IFT81: variants seen among roughly 807,000 people sequenced by gnomAD.
IFT81 encodes intraflagellar transport 81.
IFT81 carries 72 observed loss-of-function variants against 102.6 expected under a neutral mutation model. The ratio of observed to expected loss-of-function variants is 0.70; its 90% CI spans 0.58 to 0.85. The LOEUF is 0.85. Ranked by LOEUF, IFT81 falls within the 40% of genes least tolerant of loss-of-function variation. The probability of loss-of-function intolerance (pLI) is 0.00; values close to 1 mark genes in which losing one functional copy is unlikely to be tolerated. For missense variants in IFT81, 723 were observed against 787.3 expected, an observed-to-expected ratio of 0.92 and a Z score of 0.98; for synonymous variants, 237 against 242.7, an observed-to-expected ratio of 0.98 and a Z score of 0.22.
chr12:110,192,329 A>C (rs1897834989), intron 13 of IFT81, among the ~76,000 whole-genome samples: 1 of 152,156 alleles, frequency 6.6e-6, no homozygotes, highest in Admixed American at 6.5e-5. Flanking sequence ...TCATGATTAT[A>C]GTTGTATAGG....
chr12:110,191,575 A>G (rs951178197), intron 13 of IFT81, among the ~76,000 whole-genome samples: 12 of 152,132 alleles, frequency 7.9e-5, no homozygotes, highest in African/African-American at 2.7e-4. Flanking sequence ...CAAAAGTTAT[A>G]TAACATTAAA....
intron 4 of IFT81, 37 bp from the exon 5 acceptor site, chr12:110,132,510 A>G (rs1013911256): frequency 3.5e-6 from 3 of 863,946 alleles, no homozygotes; most frequent in Middle Eastern, 2.3e-4. Flanking sequence ...TACTGGATCT[A>G]GTTATTAGTT....
At chr12:110,187,425 G>A (rs1418628890) in intron 12 of IFT81, among the ~76,000 whole-genome samples, 1 of 151,804 alleles carries the variant, frequency 6.6e-6, no homozygotes, top group African/African-American at 2.4e-5. Flanking sequence ...CACCACACCC[G>A]GCTAATTTTT....
intron 11 of IFT81, among the ~76,000 whole-genome samples, chr12:110,179,650 G>A (rs575460418): frequency 8.3e-4 from 122 of 147,800 alleles, no homozygotes; most frequent in African/African-American, 2.9e-3. Context: ...GATCCCAGGA[G>A]GTTAAGGCTG....
At chr12:110,164,399 C>A (rs1896323621) in intron 11 of IFT81, among the ~76,000 whole-genome samples, 1 of 151,948 alleles carries the variant, frequency 6.6e-6, no homozygotes, top group Non-Finnish European at 1.5e-5. Flanking sequence ...CAAAATAAAG[C>A]AATAGGTCAT....
At chr12:110,154,641 A>G (rs533751387) in intron 10 of IFT81, among the ~76,000 whole-genome samples, 12 of 151,834 alleles carry the variant, frequency 7.9e-5, no homozygotes, top group South Asian at 2.1e-4. Context: ...AAAAAAAAAA[A>G]AAAGAAAAAG....
At chr12:110,155,641 A>G (rs577819978) in intron 10 of IFT81, among the ~76,000 whole-genome samples, 1 of 152,164 alleles carries the variant, frequency 6.6e-6, no homozygotes, top group African/African-American at 2.4e-5. Context: ...CCATTCTGCC[A>G]ATCACTGTCT....
At chr12:110,168,383 G>C (rs530617661) in intron 11 of IFT81, 1 of 240,694 alleles carries the variant, frequency 4.2e-6, no homozygotes, top group South Asian at 1.6e-4. Flanking sequence ...GTAGATAGGG[G>C]CACTGTGCTT....
At chr12:110,216,173 GTTGTT>G (rs745322792) in intron 18 of IFT81, among the ~76,000 whole-genome samples, 35 of 151,728 alleles carry the variant, frequency 2.3e-4, no homozygotes, top group East Asian at 1.2e-3. Flanking sequence ...CCTTGGTTTG[GTTGTT>G]TTGTTTTGTT....
At chr12:110,152,746 G>A (rs2137397795) in intron 10 of IFT81, among the ~76,000 whole-genome samples, 1 of 151,974 alleles carries the variant, frequency 6.6e-6, no homozygotes, top group African/African-American at 2.4e-5. Flanking sequence ...GAGACTACAG[G>A]TACCTGCCAC....
At chr12:110,148,596 T>C (rs1337315226) in intron 10 of IFT81, among the ~76,000 whole-genome samples, 1 of 152,004 alleles carries the variant, frequency 6.6e-6, no homozygotes, top group Non-Finnish European at 1.5e-5. Context: ...TGCTTCATCC[T>C]CCTGAGTAGC....
chr12:110,131,169 T>A (rs1220564311), intron 4 of IFT81, among the ~76,000 whole-genome samples: 1 of 151,806 alleles, frequency 6.6e-6, no homozygotes, highest in African/African-American at 2.4e-5. Context: ...GTAGTCCCAA[T>A]TACTTGGGAA....
intron 17 of IFT81, among the ~76,000 whole-genome samples, chr12:110,206,110 A>G (rs945925909): frequency 1.5e-4 from 23 of 152,236 alleles, no homozygotes; most frequent in Non-Finnish European, 2.5e-4. Flanking sequence ...CATAAGCAGT[A>G]AAGTTGGTCT....
chr12:110,130,674 G>A (rs1313122927), intron 4 of IFT81, among the ~76,000 whole-genome samples: 1 of 151,900 alleles, frequency 6.6e-6, no homozygotes, highest in Non-Finnish European at 1.5e-5. Context: ...ACCTGATTAA[G>A]TCTTTGCTAA....
chr12:110,124,952 A>G (rs780259227), intron 1 of IFT81, 91 bp downstream of exon 1: 1 of 152,242 alleles, frequency 6.6e-6, no homozygotes, highest in African/African-American at 2.4e-5. Flanking sequence ...CCCGCTGGGC[A>G]CAGACAGCCT....
At chr12:110,198,721 GT>G (rs1898126139) in intron 14 of IFT81, among the ~76,000 whole-genome samples, 1 of 151,442 alleles carries the variant, frequency 6.6e-6, no homozygotes, top group Non-Finnish European at 1.5e-5. Context: ...CCTCAGAGGT[GT>G]CTAATATTGT....
In IFT81 at chr12:110,218,337, G is replaced by A. The variant is rs997550888; in HGVS notation, c.*111G>A. Reference sequence around the variant, plus strand: ...TGTATAGCATTTTGTTTTCAGAAGAGCCATTCTTTATTAAGTTTTCATAGA... The same window carrying A: ...TGTATAGCATTTTGTTTTCAGAAGAACCATTCTTTATTAAGTTTTCATAGA... On this transcript the variant is annotated 3_prime_UTR_variant, in exon 19 of 19. Coordinates refer to ENST00000242591, the MANE Select transcript of IFT81 (RefSeq NM_014055.4). 1.4e-6 allele frequency: 1 copy of A among 730,856 alleles called. No homozygotes were observed. Among genetic ancestry groups the A allele is most frequent in the Admixed American group, 3.0e-5 (1 of 33,754 alleles). The allele number at this position is 730,856 out of a possible 1,614,324, so 45.3% of individuals were successfully genotyped here. A position where few individuals can be genotyped will look rare whatever the true frequency, so the allele number is the denominator to read the frequency against.
intron 11 of IFT81, among the ~76,000 whole-genome samples, chr12:110,172,585 C>T (rs1464040223): frequency 1.3e-5 from 2 of 152,160 alleles, no homozygotes; most frequent in South Asian, 2.1e-4. Context: ...GACAGGGTTT[C>T]GCTGTGTTGG....
chr12:110,200,853 G>A (rs996967649), intron 14 of IFT81, among the ~76,000 whole-genome samples: 3 of 151,998 alleles, frequency 2.0e-5, no homozygotes, highest in South Asian at 2.1e-4. Flanking sequence ...GGGAGGTTGA[G>A]GCAGGAGAAT....
Sources: allele counts gnomAD v4.1 joint callset (sites outside exome capture counted in the v4.1 genomes callset), GRCh38; gene constraint gnomAD v4.1.1; transcripts MANE v1.5; gene names NCBI Gene and HGNC (gene_info 2026-07-23, HGNC 2026-07-21).